KCND3: variants seen among roughly 807,000 people sequenced by gnomAD.
KCND3 encodes A-type voltage-gated potassium channel KCND3.
Under a neutral mutation model 51.1 loss-of-function variants are expected in KCND3, and 9 were observed. The ratio of observed to expected loss-of-function variants is 0.18; its 90% confidence interval spans 0.11 to 0.31. KCND3 has a LOEUF of 0.31. Ranked by LOEUF, KCND3 falls within the 10% of genes least tolerant of loss-of-function variation. KCND3 has a pLI of 1.00. For synonymous variants in KCND3, 349 were observed against 368.0 expected (o/e 0.95, Z 0.59); for missense variants, 526 against 903.8 (o/e 0.58, Z 5.36).
intron 2 of KCND3, among the ~76,000 whole-genome samples, chr1:111,850,810 T>A (rs1471086865): frequency 6.6e-6 from 1 of 152,186 alleles, no homozygotes; most frequent in Non-Finnish European, 1.5e-5. Flanking sequence ...TGGCCCCATG[T>A]TCAAACACCC....
chr1:111,900,794 T>C (rs971109746), intron 2 of KCND3, among the ~76,000 whole-genome samples: 2 of 152,172 alleles, frequency 1.3e-5, no homozygotes, highest in African/African-American at 4.8e-5. Flanking sequence ...CCGTCTCTAC[T>C]AAAAATACAA....
chr1:111,772,743 A>G lies in KCND3; in HGVS notation c.*3334T>C, dbSNP rs1271109183. The G allele has an allele frequency of 6.6e-6, 1 of 152,214 alleles. No homozygotes were observed. Among genetic ancestry groups the G allele is most frequent in the Non-Finnish European group, 1.5e-5 (1 of 68,044 alleles). 9.4% of individuals were successfully genotyped at this position (152,214 alleles called of 1,614,324 possible). On this transcript the variant is annotated 3_prime_UTR_variant, in exon 8 of 8. Transcript: ENST00000302127. ...TCACATTCATTTGACATTTGAATGT[A>G]ACTGTTAGGTTGGTTGGTTGGTTTG...
At chr1:111,896,693 A>C (rs529934279) in intron 2 of KCND3, among the ~76,000 whole-genome samples, 1 of 152,344 alleles carries the variant, frequency 6.6e-6, no homozygotes, top group African/African-American at 2.4e-5. Context: ...ATGCTGTACA[A>C]ACTCTACAGT....
intron 2 of KCND3, among the ~76,000 whole-genome samples, chr1:111,794,685 C>T (rs774433580): frequency 6.6e-6 from 1 of 152,174 alleles, no homozygotes; most frequent in Non-Finnish European, 1.5e-5. Flanking sequence ...ACCTCTGTGG[C>T]TTCCTCCTTG....
At chr1:111,861,324 T>G (rs1253270600) in intron 2 of KCND3, among the ~76,000 whole-genome samples, 1 of 152,150 alleles carries the variant, frequency 6.6e-6, no homozygotes, top group African/African-American at 2.4e-5. Flanking sequence ...CCAACCAAGA[T>G]GTGCTCTAAC....
At chr1:111,984,738 G>C (rs1675170158) in intron 1 of KCND3, among the ~76,000 whole-genome samples, 1 of 152,100 alleles carries the variant, frequency 6.6e-6, no homozygotes, top group Non-Finnish European at 1.5e-5. Flanking sequence ...CCAGCAATAA[G>C]ACCAAGACCT....
At chr1:111,788,601 C>T (rs1478891775) in intron 2 of KCND3, among the ~76,000 whole-genome samples, 2 of 152,162 alleles carry the variant, frequency 1.3e-5, no homozygotes, top group East Asian at 3.8e-4. Flanking sequence ...TGCCCTTTGC[C>T]CTGGCTCAAG....
chr1:111,856,492 T>C (rs1668078312), intron 2 of KCND3, among the ~76,000 whole-genome samples: 2 of 152,164 alleles, frequency 1.3e-5, no homozygotes, highest in South Asian at 4.1e-4. Flanking sequence ...CAGCTGGTGG[T>C]CGCCTGGTAG....
intron 2 of KCND3, among the ~76,000 whole-genome samples, chr1:111,880,218 G>A (rs185177312): frequency 5.5e-4 from 83 of 152,254 alleles, no homozygotes; most frequent in African/African-American, 1.9e-3. Context: ...GATCCTAAAC[G>A]TTCTGATTTC....
intron 2 of KCND3, among the ~76,000 whole-genome samples, chr1:111,863,963 A>C (rs1309183758): frequency 6.6e-6 from 1 of 152,110 alleles, no homozygotes; most frequent in Non-Finnish European, 1.5e-5. Context: ...GATTGAAATG[A>C]GGAGTGAGGT....
At chr1:111,826,480 G>A (rs367855333) in intron 2 of KCND3, among the ~76,000 whole-genome samples, 10 of 152,122 alleles carry the variant, frequency 6.6e-5, no homozygotes, top group East Asian at 3.9e-4. Context: ...CTCATGCCAC[G>A]TGCTCTTCCT....
intron 2 of KCND3, among the ~76,000 whole-genome samples, chr1:111,901,423 G>C: frequency 6.6e-6 from 1 of 152,224 alleles, no homozygotes; most frequent in East Asian, 1.9e-4. Flanking sequence ...TCCAGCTGGA[G>C]CCAGAGACTC....
chr1:111,916,100 T>C (rs1671205529), intron 2 of KCND3, among the ~76,000 whole-genome samples: 3 of 152,134 alleles, frequency 2.0e-5, no homozygotes, highest in Admixed American at 1.3e-4. Flanking sequence ...ACTAGAACAC[T>C]CGAACCAACA....
In KCND3 at chr1:111,981,522, C is replaced by A; in HGVS notation, c.1106+99G>T. The A allele has an allele frequency of 6.4e-7, 1 of 1,552,818 alleles. No individual in the cohort carries two copies. The highest frequency in any genetic ancestry group is 8.9e-7 in the Non-Finnish European group (1 of 1,126,424). ...GCCCCCAACACTTGGGTAAGGGACT[C>A]CCTCCTCCTCTACCCATGGTGACAC... On this transcript the variant is annotated intron_variant, in intron 2 of 7. Transcript: ENST00000302127. This position sits in a 1 kb window ranked among gnomAD's most constrained non-coding sequence, Gnocchi z 6.2.
intron 2 of KCND3, among the ~76,000 whole-genome samples, chr1:111,883,252 T>A (rs1378200463): frequency 6.6e-6 from 1 of 152,236 alleles, no homozygotes; most frequent in African/African-American, 2.4e-5. Context: ...AATACTCATA[T>A]CCACCTTGTA....
chr1:111,837,814 T>C (rs1233549323), intron 2 of KCND3, among the ~76,000 whole-genome samples: 7 of 152,166 alleles, frequency 4.6e-5, no homozygotes, highest in African/African-American at 1.4e-4. Context: ...CCCCTCTAGA[T>C]TGTCAGTTTA....
intron 2 of KCND3, among the ~76,000 whole-genome samples, chr1:111,916,166 C>T (rs947403920): frequency 9.2e-5 from 14 of 152,000 alleles, no homozygotes; most frequent in East Asian, 1.9e-4. Context: ...AAGATAAGAC[C>T]GTATTCTAGA....
intron 2 of KCND3, among the ~76,000 whole-genome samples, chr1:111,962,123 T>C (rs1673694386): frequency 6.6e-6 from 1 of 152,142 alleles, no homozygotes; most frequent in Admixed American, 6.5e-5. Context: ...CAGGCCCTGG[T>C]CTAGGCACAT....
chr1:111,781,335 T>C (rs1181414651), intron 3 of KCND3, among the ~76,000 whole-genome samples: 2 of 152,212 alleles, frequency 1.3e-5, no homozygotes, highest in Non-Finnish European at 1.5e-5. Flanking sequence ...TAAGGAAATA[T>C]ATGTTTTATA....
Sources: gnomAD v4.1 joint callset for allele counts (sites outside exome capture counted in the v4.1 genomes callset) on GRCh38, gnomAD v4.1.1 for gene constraint, Gnocchi (gnomAD v3.1) non-coding constraint, MANE v1.5 for transcripts, NCBI Gene and HGNC (gene_info 2026-07-23, HGNC 2026-07-21) for gene names.